UTRN: variants seen among roughly 807,000 people sequenced by gnomAD.
The protein encoded by UTRN is utrophin, also known as dystrophin-related protein 1.
A neutral mutation model predicts 463.9 loss-of-function variants in UTRN; 283 were observed. That is an observed-to-expected ratio of 0.61 (90% CI 0.55 to 0.67). UTRN has a LOEUF of 0.67. UTRN is among the 30% of genes least tolerant of loss of function. The probability of loss-of-function intolerance (pLI) is 0.00; values close to 1 mark genes in which losing one functional copy is unlikely to be tolerated. For missense variants in UTRN, 3,922 were observed against 4,084.3 expected (o/e 0.96, Z 1.08); for synonymous variants, 1,442 against 1,431.5 (o/e 1.01, Z -0.17).
At chr6:144,383,547 T>C (rs1781125175) in intron 2 of UTRN, among the ~76,000 whole-genome samples, 1 of 152,210 alleles carries the variant, frequency 6.6e-6, no homozygotes, top group Admixed American at 6.5e-5. Context: ...GCCAAGTCTG[T>C]TAATTTTTAT....
At chr6:144,521,234 C>T (rs1223829811) in intron 39 of UTRN, among the ~76,000 whole-genome samples, 2 of 151,820 alleles carry the variant, frequency 1.3e-5, no homozygotes, top group Non-Finnish European at 1.5e-5. Context: ...TGCAGTGAGC[C>T]GAGATCACAG....
At chr6:144,529,589 G>C (rs2128600690) in intron 41 of UTRN, among the ~76,000 whole-genome samples, 1 of 152,182 alleles carries the variant, frequency 6.6e-6, no homozygotes, top group South Asian at 2.1e-4. Context: ...TTGTTGTGTA[G>C]TTATTGTGAA....
chr6:144,796,267 G>A (rs956597746), intron 63 of UTRN, among the ~76,000 whole-genome samples: 1 of 151,910 alleles, frequency 6.6e-6, no homozygotes, highest in Non-Finnish European at 1.5e-5. Flanking sequence ...CTTTTATAAG[G>A]GCACTAACCT....
chr6:144,450,634 G>T (rs1320164545), intron 17 of UTRN, among the ~76,000 whole-genome samples: 3 of 152,188 alleles, frequency 2.0e-5, no homozygotes, highest in Non-Finnish European at 2.9e-5. Flanking sequence ...TTCATATCAA[G>T]AGCCCAGCCC....
At chr6:144,334,916 C>T (rs1382917795) in intron 2 of UTRN, among the ~76,000 whole-genome samples, 2 of 152,142 alleles carry the variant, frequency 1.3e-5, no homozygotes, top group African/African-American at 4.8e-5. Context: ...CACAACTTAA[C>T]TTTTAAGAAT....
intron 50 of UTRN, among the ~76,000 whole-genome samples, chr6:144,575,872 TC>T (rs934486675): frequency 6.6e-6 from 1 of 152,096 alleles, no homozygotes; most frequent in African/African-American, 2.4e-5. Context: ...AAATTTATCA[TC>T]CTCCAAAGAA....
At chr6:144,795,876 T>A (rs1777169000) in intron 63 of UTRN, among the ~76,000 whole-genome samples, 1 of 152,044 alleles carries the variant, frequency 6.6e-6, no homozygotes, top group African/African-American at 2.4e-5. Context: ...TTTGTTTGTT[T>A]TTTGTTTGTT....
intron 73 of UTRN, among the ~76,000 whole-genome samples, chr6:144,846,469 G>A (rs1782022895): frequency 1.3e-5 from 2 of 152,176 alleles, no homozygotes; most frequent in African/African-American, 4.8e-5. Flanking sequence ...AGTAGAACAT[G>A]CTCTGTTCTG....
intron 54 of UTRN, among the ~76,000 whole-genome samples, chr6:144,734,196 T>C (rs1789099946): frequency 6.6e-6 from 1 of 152,074 alleles, no homozygotes; most frequent in Non-Finnish European, 1.5e-5. Flanking sequence ...CGTAAATATG[T>C]ATACACTTAC....
At chr6:144,754,684 AATT>A (rs758779934) in intron 56 of UTRN, 33 bp from the exon 57 acceptor site, 13 of 1,599,096 alleles carry the variant, frequency 8.1e-6, no homozygotes, top group Non-Finnish European at 1.1e-5. Context: ...TTCGGAATCA[AATT>A]ATTTCCTCTG....
intron 51 of UTRN, among the ~76,000 whole-genome samples, chr6:144,600,362 G>A (rs1585493199): frequency 6.6e-6 from 1 of 152,222 alleles, no homozygotes; most frequent in African/African-American, 2.4e-5. Context: ...TGGCCAAGTT[G>A]TGAATGCAAA....
intron 26 of UTRN, 86 bp downstream of exon 26, chr6:144,480,068 A>G: frequency 6.8e-7 from 1 of 1,464,916 alleles, no homozygotes; most frequent in South Asian, 1.4e-5. Context: ...TCTATCTGTC[A>G]AACACTATGT....
At chr6:144,789,394 T>G in intron 62 of UTRN, 115 bp downstream of exon 62, 1 of 914,782 alleles carries the variant, frequency 1.1e-6, no homozygotes, top group Non-Finnish European at 1.6e-6. Flanking sequence ...CTCTCTTTTT[T>G]TAACCCTTAC....
chr6:144,728,951 T>C (rs1453484033), intron 53 of UTRN, among the ~76,000 whole-genome samples: 1 of 152,208 alleles, frequency 6.6e-6, no homozygotes, highest in African/African-American at 2.4e-5. Context: ...AGCTACACTT[T>C]GGTTAGTCCA....
At chr6:144,434,000 T>C (rs899212623) in intron 9 of UTRN, among the ~76,000 whole-genome samples, 1 of 152,036 alleles carries the variant, frequency 6.6e-6, no homozygotes, top group Non-Finnish European at 1.5e-5. Context: ...GCGGCTGGGA[T>C]GTGGAGGTTG....
chr6:144,630,049 G>A (rs964713024), intron 51 of UTRN, among the ~76,000 whole-genome samples: 114 of 152,158 alleles, frequency 7.5e-4, no homozygotes, highest in African/African-American at 2.6e-3. Flanking sequence ...TTAGCCAGGC[G>A]TGGTGGTGGG....
Position 144,602,195 on chromosome 6 carries a change from G to A in UTRN, c.7479+24907G>A, listed in dbSNP as rs1471458341. The stretch of plus-strand genomic sequence containing the variant: ...CAACGAGGCTGGAGTGCAGGGGTAC[G>A]ATCTTGGCTCACTGCAACCTCCGCC... On this transcript the variant is annotated intron_variant, in intron 51 of 74. Transcript: ENST00000367545. Among the ~76,000 whole-genome samples the A allele has an allele frequency of 4.6e-5, 7 of 151,938 alleles. No homozygotes were observed. In the South Asian group the frequency reaches 1.2e-3, roughly 27 times the overall value.
intron 2 of UTRN, among the ~76,000 whole-genome samples, chr6:144,319,368 A>G (rs949669214): frequency 6.6e-6 from 1 of 152,216 alleles, no homozygotes; most frequent in African/African-American, 2.4e-5. Flanking sequence ...TGATAAAATG[A>G]CAAATTGTTT....
chr6:144,293,477 T>G (rs922463316), intron 2 of UTRN, among the ~76,000 whole-genome samples: 14 of 152,152 alleles, frequency 9.2e-5, no homozygotes, highest in Admixed American at 9.2e-4. Flanking sequence ...GAGAACAATT[T>G]GGCAAAAATG....
Sources: allele counts gnomAD v4.1 joint callset (sites outside exome capture counted in the v4.1 genomes callset), GRCh38; gene constraint gnomAD v4.1.1; transcripts MANE v1.5; gene names NCBI Gene and HGNC (gene_info 2026-07-23, HGNC 2026-07-21).